The following TJP2 variants were observed in gnomAD, a reference collection of about 807,000 sequenced individuals.
TJP2 encodes the protein Friedreich ataxia region gene X104 (tight junction protein ZO-2).
TJP2 carries 91 observed loss-of-function variants against 133.1 expected under a neutral mutation model. That is an observed-to-expected ratio of 0.68 (90% CI 0.58 to 0.81). The LOEUF (loss-of-function observed/expected upper bound fraction) is 0.81, where lower values mean the gene tolerates loss of function less well. Among genes scored for constraint, TJP2 ranks in the 40% least tolerant of loss-of-function variants. TJP2 has a pLI of 0.00. For synonymous variants in TJP2, 592 were observed against 583.4 expected, an observed-to-expected ratio of 1.01 and a Z score of -0.21; for missense variants, 1,541 against 1,565.6, an observed-to-expected ratio of 0.98 and a Z score of 0.26.
intron 12 of TJP2, 51 bp downstream of exon 12, chr9:69,234,598 A>G: frequency 2.6e-6 from 3 of 1,136,412 alleles, no homozygotes; most frequent in South Asian, 1.3e-5. Flanking sequence ...GGGGAGTGGG[A>G]AGGATGAGAG....
At chr9:69,147,783 A>G (rs1823278546) in intron 1 of TJP2, among the ~76,000 whole-genome samples, 1 of 152,188 alleles carries the variant, frequency 6.6e-6, no homozygotes, top group South Asian at 2.1e-4. Context: ...GGGAAGTTGA[A>G]TGTGCCTTTT....
At chr9:69,227,430 T>G (rs1829435738) in intron 7 of TJP2, among the ~76,000 whole-genome samples, 1 of 152,210 alleles carries the variant, frequency 6.6e-6, no homozygotes, top group African/African-American at 2.4e-5. Flanking sequence ...GTATGCACCT[T>G]AAAGTTTGAG....
At chr9:69,201,470 C>T (rs777740681) in intron 1 of TJP2, among the ~76,000 whole-genome samples, 2 of 151,938 alleles carry the variant, frequency 1.3e-5, no homozygotes, top group Non-Finnish European at 2.9e-5. Flanking sequence ...GACCTCATCT[C>T]GGTGTCCCTG....
At chr9:69,177,690 G>T (rs1054603434) in intron 1 of TJP2, among the ~76,000 whole-genome samples, 2 of 151,992 alleles carry the variant, frequency 1.3e-5, no homozygotes, top group East Asian at 3.9e-4. Context: ...TGTTGCCCAG[G>T]CTGAAGTGTG....
intron 22 of TJP2, 160 bp from the exon 23 acceptor site, chr9:69,254,049 G>A: frequency 2.4e-6 from 2 of 841,400 alleles, no homozygotes; most frequent in Non-Finnish European, 4.0e-6. Flanking sequence ...TTACGAACCT[G>A]GAGCAGGACC....
chr9:69,192,071 C>T (rs1431485391), intron 1 of TJP2, among the ~76,000 whole-genome samples: 2 of 152,002 alleles, frequency 1.3e-5, no homozygotes, highest in Non-Finnish European at 2.9e-5. Flanking sequence ...GCTTATACCA[C>T]TGTTGATTGC....
intron 1 of TJP2, among the ~76,000 whole-genome samples, chr9:69,178,603 T>G (rs1825264768): frequency 6.6e-6 from 1 of 152,204 alleles, no homozygotes; most frequent in Non-Finnish European, 1.5e-5. Context: ...GAAAGTTGAA[T>G]TTGATGGACT....
At chr9:69,182,514 T>A (rs970754026) in intron 1 of TJP2, among the ~76,000 whole-genome samples, 2 of 152,168 alleles carry the variant, frequency 1.3e-5, no homozygotes, top group Admixed American at 1.3e-4. Context: ...CTACTTATAC[T>A]ATTTAAGTGC....
At chr9:69,138,531 C>T (rs1587890325) in intron 1 of TJP2, among the ~76,000 whole-genome samples, 1 of 151,500 alleles carries the variant, frequency 6.6e-6, no homozygotes, top group African/African-American at 2.4e-5. Flanking sequence ...CTTTGGGAGG[C>T]TGAGGTGGGC....
At chr9:69,131,471 TC>T (rs35836478) in intron 1 of TJP2, among the ~76,000 whole-genome samples, 1 of 152,146 alleles carries the variant, frequency 6.6e-6, no homozygotes, top group Non-Finnish European at 1.5e-5. Flanking sequence ...GAGAGAAACA[TC>T]CCCTAATTTG....
chr9:69,225,281 A>G (rs751634139), intron 5 of TJP2, 23 bp from the exon 6 acceptor site: 42 of 1,469,446 alleles, frequency 2.9e-5, no homozygotes, highest in South Asian at 3.4e-5. Context: ...ACATACGTGT[A>G]TGTTTATGTG....
At chr9:69,188,155 A>G (rs550743748) in intron 1 of TJP2, among the ~76,000 whole-genome samples, 7 of 152,342 alleles carry the variant, frequency 4.6e-5, no homozygotes, top group Admixed American at 1.3e-4. Flanking sequence ...ATGCCTAACC[A>G]TGACGGAGCC....
chr9:69,223,069 G>A (rs1223757182), intron 5 of TJP2, among the ~76,000 whole-genome samples: 16 of 114,112 alleles, frequency 1.4e-4, no homozygotes, highest in East Asian at 1.3e-3. Flanking sequence ...ACTCTGTCTT[G>A]AAAAAAAAAA....
intron 1 of TJP2, among the ~76,000 whole-genome samples, chr9:69,148,774 A>G (rs140856938): frequency 8.1e-4 from 123 of 152,312 alleles, no homozygotes; most frequent in African/African-American, 2.8e-3. Context: ...CCAACCGACA[A>G]TTGACTGAGT....
At chr9:69,244,053 G>A (rs1416234488) in intron 17 of TJP2, among the ~76,000 whole-genome samples, 1 of 151,688 alleles carries the variant, frequency 6.6e-6, no homozygotes, top group African/African-American at 2.4e-5. Flanking sequence ...GTGTGGTGGT[G>A]GGTGCCGGTA....
In TJP2 at chr9:69,252,820, A is replaced by T. The variant is rs888529454; in HGVS notation, c.3327A>T (p.Glu1109Asp). Residue 1109 changes from glutamate to aspartate, a missense_variant, in exon 22 of 23, where the codon GAA (glutamate) becomes GAT (aspartate). Coordinates refer to ENST00000377245, the MANE Select transcript of TJP2 (RefSeq NM_004817.4). Reference protein sequence around the residue: ...ELQEAQNARIEIAQKHPDIYA... With the variant: ...ELQEAQNARIDIAQKHPDIYA... ...TTCTTTTTTAATTACCACAGATCGAAATTGCCCAGAAGCATCCTGATATCT... is the reference window on the plus strand; with the variant it reads ...TTCTTTTTTAATTACCACAGATCGATATTGCCCAGAAGCATCCTGATATCT... 39 of 1,613,978 alleles carry T rather than the reference A, an allele frequency of 2.4e-5. No individual in the cohort carries two copies. The highest frequency in any genetic ancestry group is 3.1e-5 in the Non-Finnish European group (36 of 1,180,012).
intron 3 of TJP2, 25 bp downstream of exon 3, chr9:69,216,488 G>T (rs761964645): frequency 1.2e-6 from 2 of 1,613,522 alleles, no homozygotes; most frequent in Non-Finnish European, 8.5e-7. Context: ...TCGCTCCGCA[G>T]CCCCTACCAG....
chr9:69,137,247 CTCTT>C lies in TJP2; in HGVS notation c.-130-14382_-130-14379del, dbSNP rs1196199826. 4.4e-3 allele frequency among the ~76,000 whole-genome samples: 281 copies of C among 64,438 alleles called. 8 individuals are homozygous for C. The highest frequency in any genetic ancestry group is 5.9e-3 in the Non-Finnish European group (195 of 33,128). 42.3% of individuals were successfully genotyped at this position (64,438 alleles called of 152,430 possible). ...TTTCCTTCTTTCTTTCTTTCTCTCT[CTCTT>C]TCTTTCTTTCTTTCTTTCTTTTTCT... On this transcript the variant is annotated intron_variant, in intron 1 of 5. Transcript: ENST00000423935.
At chr9:69,225,619 A>G (rs1225261027) in intron 6 of TJP2, among the ~76,000 whole-genome samples, 1 of 152,248 alleles carries the variant, frequency 6.6e-6, no homozygotes, top group African/African-American at 2.4e-5. Context: ...ACAAAAACAA[A>G]AAAACTCCAT....
Sources: allele counts gnomAD v4.1 joint callset (sites outside exome capture counted in the v4.1 genomes callset), GRCh38; gene constraint gnomAD v4.1.1; transcripts MANE v1.5; gene names NCBI Gene and HGNC (gene_info 2026-07-23, HGNC 2026-07-21).